Variants in GNAL observed in about 807,000 individuals in gnomAD.
The protein encoded by GNAL is guanine nucleotide-binding protein G(olf) subunit alpha.
A neutral mutation model predicts 55.1 loss-of-function variants in GNAL; 18 were observed. That is an observed-to-expected ratio of 0.33 (90% confidence interval 0.23 to 0.48). The LOEUF is 0.48. GNAL is among the 20% of genes least tolerant of loss of function. The pLI, the probability that GNAL is intolerant of heterozygous loss-of-function variation, is 0.99. For synonymous variants in GNAL, 253 were observed against 237.0 expected (o/e 1.07, Z -0.62); for missense variants, 412 against 614.1 (o/e 0.67, Z 3.48).
chr18:11,872,436 G>T, intron 10 of GNAL, 38 bp downstream of exon 10: 4 of 1,361,370 alleles, frequency 2.9e-6, no homozygotes, highest in South Asian at 1.3e-5. Context: ...TTGAGGAATA[G>T]AATTGTTTTA....
At chr18:11,749,501 C>T (rs951896027) in intron 1 of GNAL, among the ~76,000 whole-genome samples, 2 of 152,192 alleles carry the variant, frequency 1.3e-5, no homozygotes, top group African/African-American at 4.8e-5. Flanking sequence ...GCTTTCATGA[C>T]GTCATTCATT....
chr18:11,829,884 C>T (rs527742173), intron 5 of GNAL, among the ~76,000 whole-genome samples: 86 of 152,300 alleles, frequency 5.6e-4, no homozygotes, highest in Admixed American at 1.0e-3. Context: ...GTGGCACACA[C>T]CTGTAATTCC....
chr18:11,771,215 TAAAAAAAA>T (rs539820206), intron 4 of GNAL, among the ~76,000 whole-genome samples: 1 of 128,740 alleles, frequency 7.8e-6, no homozygotes, highest in Non-Finnish European at 1.7e-5. Context: ...TGAAACTCTG[TAAAAAAAA>T]AAAAAAAAGA....
At chr18:11,831,266 CAT>C (rs1333010732) in intron 5 of GNAL, among the ~76,000 whole-genome samples, 2 of 152,164 alleles carry the variant, frequency 1.3e-5, no homozygotes, top group African/African-American at 2.4e-5. Context: ...GGGGAGGACT[CAT>C]GTGAAGACAG....
At chr18:11,710,522 C>T (rs2031810893) in intron 1 of GNAL, among the ~76,000 whole-genome samples, 1 of 151,990 alleles carries the variant, frequency 6.6e-6, no homozygotes, top group Non-Finnish European at 1.5e-5. Context: ...TTTCTTGTTG[C>T]TGTTTAGTAT....
At chr18:11,843,650 C>T (rs1321083183) in intron 5 of GNAL, among the ~76,000 whole-genome samples, 2 of 152,152 alleles carry the variant, frequency 1.3e-5, no homozygotes, top group Non-Finnish European at 2.9e-5. Context: ...CATTTTGCTT[C>T]CTAACGAAAG....
At chr18:11,695,123 C>T (rs1023818671) in intron 1 of GNAL, among the ~76,000 whole-genome samples, 18 of 152,094 alleles carry the variant, frequency 1.2e-4, no homozygotes, top group Non-Finnish European at 1.0e-4. Flanking sequence ...AGGGCTAAGG[C>T]GGGGAGTGCG....
chr18:11,754,844 T>G (rs1315700931), intron 4 of GNAL, among the ~76,000 whole-genome samples: 1 of 152,184 alleles, frequency 6.6e-6, no homozygotes, highest in Non-Finnish European at 1.5e-5. Flanking sequence ...TGCAAAAGAG[T>G]GACATCAATC....
chr18:11,847,431 C>T (rs1007725799), intron 5 of GNAL, among the ~76,000 whole-genome samples: 12 of 149,994 alleles, frequency 8.0e-5, no homozygotes, highest in Non-Finnish European at 1.8e-4. Flanking sequence ...TCAGACTTAG[C>T]AAATGATTCT....
chr18:11,731,857 C>T (rs1055433439), intron 1 of GNAL, among the ~76,000 whole-genome samples: 14 of 152,234 alleles, frequency 9.2e-5, no homozygotes, highest in African/African-American at 3.4e-4. Flanking sequence ...GTTTCCCCTC[C>T]TGCTCTTCCT....
rs1194834103 is a variant in GNAL, at chr18:11,689,913, A to C, written c.350A>C (p.Gln117Pro). ...RMLRDQKRDL[Q>P]QTHRLLLLGA... ...CTGCGCGACCAGAAGCGCGACCTGC[A>C]GCAGACGCACCGGCTCCTGCTGCTC... The change falls in exon 1 of 12, where the codon CAG becomes CCG. Residue 117 changes from glutamine (Q) to proline (P), a missense_variant. Physicochemically the swap from Gln to Pro is moderately conservative, Grantham distance 76. Coordinates refer to ENST00000334049, the MANE Select transcript of GNAL (RefSeq NM_182978.4). 2 of 1,446,020 alleles carry C rather than the reference A, an allele frequency of 1.4e-6. No individual in the cohort carries two copies. The highest frequency in any genetic ancestry group is 1.8e-6 in the Non-Finnish European group (2 of 1,097,446). The allele number at this position is 1,446,020 out of a possible 1,614,324, so 89.6% of individuals were successfully genotyped here.
chr18:11,832,387 C>T (rs2035403786), intron 5 of GNAL, among the ~76,000 whole-genome samples: 1 of 152,126 alleles, frequency 6.6e-6, no homozygotes, highest in Admixed American at 6.6e-5. Context: ...TGCTGCAGTC[C>T]CAGATCTGTT....
At chr18:11,854,710 G>A (rs1290771929) in intron 5 of GNAL, among the ~76,000 whole-genome samples, 7 of 152,112 alleles carry the variant, frequency 4.6e-5, no homozygotes, top group Non-Finnish European at 8.8e-5. Context: ...GAACCTGGGA[G>A]GCGGAGGTTG....
At chr18:11,739,158 T>C (rs1367035681) in intron 1 of GNAL, among the ~76,000 whole-genome samples, 2 of 152,224 alleles carry the variant, frequency 1.3e-5, no homozygotes, top group African/African-American at 4.8e-5. Context: ...CATCTGAGGC[T>C]GTTCTCATTA....
In GNAL at chr18:11,882,928, G is replaced by C. The variant is rs894036181; in HGVS notation, c.*1793G>C. 1 of 151,838 alleles carries C rather than the reference G, an allele frequency of 6.6e-6. No homozygotes were observed. Among genetic ancestry groups the C allele is most frequent in the Non-Finnish European group, 1.5e-5 (1 of 67,978 alleles). 9.4% of individuals were successfully genotyped at this position (151,838 alleles called of 1,614,324 possible). A position where few individuals can be genotyped will look rare whatever the true frequency, so the allele number is the denominator to read the frequency against. On this transcript the variant is annotated 3_prime_UTR_variant, in exon 12 of 12. Coordinates refer to ENST00000334049, the MANE Select transcript of GNAL (RefSeq NM_182978.4). ...TGTAGCAATGATGCTTCATATTCTA[G>C]CTGTAGCCACAGAGTTGAGGGTAGT... is the stretch of plus-strand genomic sequence containing the variant.
chr18:11,884,442 T>C lies in GNAL; in HGVS notation c.*3307T>C, dbSNP rs1181458082. The C allele has an allele frequency of 2.5e-6, 4 of 1,612,898 alleles. No individual in the cohort carries two copies. The African/African-American group carries it at 4.0e-5, about 16-fold the overall frequency. Reference sequence around the variant, plus strand: ...CTTTGATATTTATAATGGCGCCTGCTCTTCATCTTGTCTTACGCTTTCCGA... The same window carrying C: ...CTTTGATATTTATAATGGCGCCTGCCCTTCATCTTGTCTTACGCTTTCCGA... On this transcript the variant is annotated 3_prime_UTR_variant, in exon 12 of 12. Coordinates refer to ENST00000334049, the MANE Select transcript of GNAL (RefSeq NM_182978.4).
At chr18:11,718,271 T>C (rs9963932) in intron 1 of GNAL, among the ~76,000 whole-genome samples, 4,535 of 152,292 alleles carry the variant, frequency 0.03, 209 homozygotes, top group African/African-American at 0.097. Context: ...TAGTGCAAAT[T>C]GTCATTCATT....
intron 1 of GNAL, 115 bp downstream of exon 1, chr18:11,690,054 C>T (rs2031192380): frequency 9.9e-6 from 5 of 505,606 alleles, no homozygotes; most frequent in Non-Finnish European, 1.4e-5. Context: ...GGGAGGGGCT[C>T]CTGAATCCCG....
At chr18:11,864,645 A>G (rs763797787) in intron 7 of GNAL, 39 bp downstream of exon 7, 2 of 1,068,156 alleles carry the variant, frequency 1.9e-6, no homozygotes, top group South Asian at 1.2e-5. Context: ...CCAGGGCCAC[A>G]TGATGTCCCA....
Sources: gnomAD v4.1 joint callset for allele counts (sites outside exome capture counted in the v4.1 genomes callset) on GRCh38, gnomAD v4.1.1 for gene constraint, MANE v1.5 for transcripts, NCBI Gene and HGNC (gene_info 2026-07-23, HGNC 2026-07-21) for gene names.